The following MAGI3 variants were observed in gnomAD, a reference collection of about 807,000 sequenced individuals.
MAGI3 encodes membrane-associated guanylate kinase, WW and PDZ domain-containing protein 3.
MAGI3 carries 43 observed loss-of-function variants against 121.8 expected under a neutral mutation model. The observed-to-expected ratio is 0.35, with a 90% CI of 0.28 to 0.46. MAGI3 has a LOEUF of 0.46. MAGI3 is among the 20% of genes least tolerant of loss of function. The pLI is 1.00. For synonymous variants in MAGI3, 553 were observed against 639.3 expected (o/e 0.86, Z 2.04); for missense variants, 1,547 against 1,797.3 (o/e 0.86, Z 2.52).
intron 1 of MAGI3, among the ~76,000 whole-genome samples, chr1:113,425,528 C>A (rs1431552575): frequency 6.6e-6 from 1 of 151,930 alleles, no homozygotes; most frequent in African/African-American, 2.4e-5. Flanking sequence ...TCGTGATCTG[C>A]CCACCTCAGC....
chr1:113,656,392 C>G (rs1653468503), intron 15 of MAGI3, among the ~76,000 whole-genome samples: 1 of 151,670 alleles, frequency 6.6e-6, no homozygotes, highest in Admixed American at 6.6e-5. Context: ...GGAAACCTGT[C>G]TCAGAATAGA....
rs1656859967 is a variant in MAGI3, at chr1:113,495,189, C to T, written c.317-54326C>T. Reference sequence around the variant, plus strand: ...TTCGAAGTAATGCAAAGTACATGGACTGCTAAATCATAGAGGATCTAATTT... The same window carrying T: ...TTCGAAGTAATGCAAAGTACATGGATTGCTAAATCATAGAGGATCTAATTT... On this transcript the variant is annotated intron_variant, in intron 1 of 20. Coordinates refer to ENST00000307546, the MANE Select transcript of MAGI3 (RefSeq NM_001142782.2). 2.0e-5 allele frequency among the ~76,000 whole-genome samples: 3 copies of T among 152,088 alleles called. No individual in the cohort carries two copies. The South Asian group carries it at 6.2e-4, about 32-fold the overall frequency.
rs1057012394 is a variant in MAGI3, at chr1:113,685,121, T to A, written c.*1107T>A. ...AAATGTGTAGACAGTACTTACTGGA[T>A]CTTATTTAACTTTTAGCTACATTAA... On this transcript the variant is annotated 3_prime_UTR_variant, in exon 21 of 21. Coordinates refer to ENST00000307546, the MANE Select transcript of MAGI3 (RefSeq NM_001142782.2). 5.3e-5 allele frequency: 8 copies of A among 152,364 alleles called. No individual in the cohort carries two copies. Among genetic ancestry groups the A allele is most frequent in the African/African-American group, 1.7e-4 (7 of 41,456 alleles). The allele number at this position is 152,364 out of a possible 1,614,324, so 9.4% of individuals were successfully genotyped here. A position where few individuals can be genotyped will look rare whatever the true frequency, so the allele number is the denominator to read the frequency against.
chr1:113,440,192 T>C (rs570429335), intron 1 of MAGI3, among the ~76,000 whole-genome samples: 20 of 152,326 alleles, frequency 1.3e-4, no homozygotes, highest in African/African-American at 4.6e-4. Context: ...GGGCACATGA[T>C]AGATGCTTTA....
intron 2 of MAGI3, among the ~76,000 whole-genome samples, chr1:113,579,339 C>T (rs1418088273): frequency 6.6e-6 from 1 of 152,070 alleles, no homozygotes; most frequent in African/African-American, 2.4e-5. Flanking sequence ...CCTCTGGGGA[C>T]ATGACAACGA....
At chr1:113,576,260 C>T (rs1229440708) in intron 2 of MAGI3, among the ~76,000 whole-genome samples, 1 of 152,222 alleles carries the variant, frequency 6.6e-6, no homozygotes, top group African/African-American at 2.4e-5. Flanking sequence ...TCTGCCCAAA[C>T]AGCCGCCTCG....
At chr1:113,674,693 A>G (rs1647770043) in intron 19 of MAGI3, among the ~76,000 whole-genome samples, 1 of 152,052 alleles carries the variant, frequency 6.6e-6, no homozygotes, top group African/African-American at 2.4e-5. Context: ...GCAGTTTTGA[A>G]TTTTTCATTT....
At position 113,615,934 on chromosome 1, in the gene MAGI3, T is replaced by C. The variant is rs181688936; in HGVS notation, c.1076+1276T>C. On this transcript the variant is annotated intron_variant, in intron 7 of 20. Coordinates refer to ENST00000307546, the MANE Select transcript of MAGI3 (RefSeq NM_001142782.2). Reference sequence around the variant, plus strand: ...CCGACTGAAAAGGTTTTGCAGGATTTTTTTCTTCCCCTCAAAGTTTAGTCT... The same window carrying C: ...CCGACTGAAAAGGTTTTGCAGGATTCTTTTCTTCCCCTCAAAGTTTAGTCT... 5.1e-3 allele frequency among the ~76,000 whole-genome samples: 780 copies of C among 152,280 alleles called. 4 individuals are homozygous for C. The highest frequency in any genetic ancestry group is 0.018 in the African/African-American group (752 of 41,546).
chr1:113,427,194 G>T (rs1653055778), intron 1 of MAGI3, among the ~76,000 whole-genome samples: 1 of 152,186 alleles, frequency 6.6e-6, no homozygotes, highest in Non-Finnish European at 1.5e-5. Context: ...TCTTGGTACT[G>T]CCAGAGGAGG....
Position 113,683,874 on chromosome 1 carries a change from GACAAAA to G in MAGI3, c.4312_4317del (p.Asn1438_Lys1439del). On this transcript the variant is annotated inframe_deletion, in exon 21 of 21. Coordinates refer to ENST00000307546, the MANE Select transcript of MAGI3 (RefSeq NM_001142782.2). ...CAAAGGGAAAGAACTAGAGGCAGCTGACAAAAACAAAGAGACTGGAAGGTTCAAACC... is the reference window on the plus strand; with the variant it reads ...CAAAGGGAAAGAACTAGAGGCAGCTGACAAAGAGACTGGAAGGTTCAAACC... 1.2e-6 allele frequency: 2 copies of G among 1,612,650 alleles called. No individual in the cohort carries two copies. The highest frequency in any genetic ancestry group is 1.7e-6 in the Non-Finnish European group (2 of 1,179,364).
intron 1 of MAGI3, among the ~76,000 whole-genome samples, chr1:113,448,092 C>G (rs1654275350): frequency 6.6e-6 from 1 of 152,098 alleles, no homozygotes; most frequent in African/African-American, 2.4e-5. Context: ...TAATTATTTT[C>G]TTTAACCCGT....
intron 1 of MAGI3, among the ~76,000 whole-genome samples, chr1:113,417,077 A>G (rs528295816): frequency 5.3e-5 from 8 of 151,928 alleles, no homozygotes; most frequent in African/African-American, 1.9e-4. Context: ...TCACTTCTCC[A>G]TTGTTCTTTT....
At chr1:113,469,770 G>C (rs935509465) in intron 1 of MAGI3, among the ~76,000 whole-genome samples, 2 of 152,004 alleles carry the variant, frequency 1.3e-5, no homozygotes, top group African/African-American at 2.4e-5. Flanking sequence ...AAGCAAAAAG[G>C]CAAGAATATA....
At chr1:113,615,202 G>A (rs1276125181) in intron 7 of MAGI3, among the ~76,000 whole-genome samples, 1 of 152,070 alleles carries the variant, frequency 6.6e-6, no homozygotes, top group Non-Finnish European at 1.5e-5. Flanking sequence ...ATATTGGAGA[G>A]GAGTGCCAGA....
Position 113,671,779 on chromosome 1 carries a change from CAG to C in MAGI3, c.2862_2863del (p.Ala955ProfsTer24), listed in dbSNP as rs1647565822. Reference sequence around the variant, plus strand: ...GGAACAAACTCAGCCAGGCAAAGCCCAGCCCTGCAGCACAGGCCCATGGGACA... The same window carrying C: ...GGAACAAACTCAGCCAGGCAAAGCCCCCCTGCAGCACAGGCCCATGGGACA... On this transcript the variant is annotated frameshift_variant, in exon 17 of 21. Coordinates refer to ENST00000307546, the MANE Select transcript of MAGI3 (RefSeq NM_001142782.2). LOFTEE classifies it high-confidence loss of function. 6.2e-7 allele frequency: 1 copy of C among 1,614,110 alleles called. No individual in the cohort carries two copies. The highest frequency in any genetic ancestry group is 8.5e-7 in the Non-Finnish European group (1 of 1,180,044).
At chr1:113,631,944 G>GT (rs1485061398) in intron 9 of MAGI3, among the ~76,000 whole-genome samples, 2 of 152,186 alleles carry the variant, frequency 1.3e-5, no homozygotes, top group African/African-American at 2.4e-5. Flanking sequence ...GCGGGGGGAA[G>GT]TTTAAGTATT....
chr1:113,465,629 A>G (rs760564874), intron 1 of MAGI3, among the ~76,000 whole-genome samples: 1 of 152,050 alleles, frequency 6.6e-6, no homozygotes. Flanking sequence ...TCTTCTAATC[A>G]ATAAACATGG....
chr1:113,490,030 T>C (rs1656592712), intron 1 of MAGI3, among the ~76,000 whole-genome samples: 1 of 152,074 alleles, frequency 6.6e-6, no homozygotes, highest in Admixed American at 6.6e-5. Context: ...AATTCAAGGA[T>C]TGCAGAGAAC....
chr1:113,627,694 G>A (rs1052407192), intron 9 of MAGI3, among the ~76,000 whole-genome samples: 2 of 150,620 alleles, frequency 1.3e-5, no homozygotes, highest in African/African-American at 4.9e-5. Flanking sequence ...ATGTGTCTGG[G>A]TACTCCAGTG....
Sources: gnomAD v4.1 joint callset for allele counts (sites outside exome capture counted in the v4.1 genomes callset) on GRCh38, gnomAD v4.1.1 for gene constraint, MANE v1.5 for transcripts, NCBI Gene and HGNC (gene_info 2026-07-23, HGNC 2026-07-21) for gene names.